MUC5AC: variants seen among roughly 807,000 people sequenced by gnomAD.
MUC5AC encodes the protein mucin 5AC, oligomeric mucus/gel-forming.
A neutral mutation model predicts 169.7 loss-of-function variants in MUC5AC; 158 were observed. The observed-to-expected ratio is 0.93, with a 90% CI of 0.82 to 1.06. The LOEUF is 1.06. Among genes scored for constraint, MUC5AC ranks in the 50% least tolerant of loss-of-function variants. The pLI is 0.00. For missense variants in MUC5AC, 4,359 were observed against 3,089.9 expected, an observed-to-expected ratio of 1.41 and a Z score of -9.74; for synonymous variants, 1,975 against 1,237.0, an observed-to-expected ratio of 1.60 and a Z score of -12.52.
At chr11:1,178,976 C>T (rs1860748309) in intron 25 of MUC5AC, 116 bp from the exon 26 acceptor site, 1 of 437,778 alleles carries the variant, frequency 2.3e-6, no homozygotes, top group South Asian at 6.7e-5. Context: ...GGGCATTCGC[C>T]CTCCCTGAGC....
intron 2 of MUC5AC, 132 bp downstream of exon 2, chr11:1,160,821 A>C: frequency 3.6e-6 from 3 of 839,592 alleles, no homozygotes; most frequent in South Asian, 1.7e-5. Flanking sequence ...ACCTGGGGGG[A>C]CAGGAGGACA....
rs945458170 is a variant in MUC5AC at position 1,199,185 on chromosome 11, C to G, written c.16395C>G (p.Tyr5465Ter). The part of the protein sequence containing the change: ...NTSKSPAHLF[Y>*]PGETWSDAGN... ...GCAAGAGCCCCGCCCACCTCTTCTA[C>G]GTGAGTAGTGGCTGCCACAAAGAGG... The change falls in exon 45 of 49, where the codon TAC (tyrosine) becomes TAG (stop). Residue 5465 changes from tyrosine (Y) to a stop codon, truncating the protein, a stop_gained and splice_region_variant. Transcript: ENST00000621226. LOFTEE classifies it high-confidence loss of function. The G allele has an allele frequency of 1.3e-6, 1 of 761,002 alleles. No homozygotes were observed. Among genetic ancestry groups the G allele is most frequent in the Non-Finnish European group, 2.4e-6 (1 of 416,422 alleles). The allele number at this position is 761,002 out of a possible 1,614,324, so 47.1% of individuals were successfully genotyped here. A position where few individuals can be genotyped will look rare whatever the true frequency, so the allele number is the denominator to read the frequency against.
At position 1,165,434 on chromosome 11, in the gene MUC5AC, C is replaced by A. The variant is rs1174930923; in HGVS notation, c.1247+15C>A. The A allele has an allele frequency of 4.8e-6, 7 of 1,455,844 alleles. No individual in the cohort carries two copies. The Admixed American group carries it at 6.7e-5, about 14-fold the overall frequency. 90.2% of individuals were successfully genotyped at this position (1,455,844 alleles called of 1,614,324 possible). ...TGCACCAACTGGTAGGTCCCAGCCCCCCTCCAGGCCACCAAGGATGTGCTA... is the reference window on the plus strand; with the variant it reads ...TGCACCAACTGGTAGGTCCCAGCCCACCTCCAGGCCACCAAGGATGTGCTA... On this transcript the variant is annotated intron_variant, in intron 10 of 48. Coordinates refer to ENST00000621226, the MANE Select transcript of MUC5AC (RefSeq NM_001304359.2).
intron 19 of MUC5AC, among the ~76,000 whole-genome samples, chr11:1,175,752 CCA>C (rs1259685838): frequency 9.0e-5 from 11 of 122,892 alleles, no homozygotes; most frequent in Admixed American, 3.4e-4. Flanking sequence ...CGTCATGCAC[CCA>C]CACTCATGCA....
At chr11:1,168,446 C>T in intron 12 of MUC5AC, 37 bp from the exon 13 acceptor site, 2 of 1,602,958 alleles carry the variant, frequency 1.2e-6, no homozygotes, top group Non-Finnish European at 1.7e-6. Flanking sequence ...TGCCGCAAGC[C>T]TGCCCCGCGC....
chr11:1,165,767 C>G lies in MUC5AC; in HGVS notation c.1386+7C>G, dbSNP rs1860305170. Reference sequence around the variant, plus strand: ...CAGCTATGTGCTGACCAAGGTACGGCCTGGCTGCCTGGGGTGCTCGCCGGA... The same window carrying G: ...CAGCTATGTGCTGACCAAGGTACGGGCTGGCTGCCTGGGGTGCTCGCCGGA... On this transcript the variant is annotated splice_region_variant and intron_variant, in intron 11 of 48. Transcript: ENST00000621226. 1 of 1,611,370 alleles carries G rather than the reference C, an allele frequency of 6.2e-7. No individual in the cohort carries two copies.
At chr11:1,182,127 G>A (rs1323831360) in intron 30 of MUC5AC, 28 bp from the exon 31 acceptor site, 9 of 398,452 alleles carry the variant, frequency 2.3e-5, no homozygotes, top group African/African-American at 1.9e-4. Context: ...GGCCTCTCAT[G>A]CTCAGCTGCC....
intron 9 of MUC5AC, among the ~76,000 whole-genome samples, chr11:1,164,948 T>G (rs56335712): frequency 6.4e-3 from 296 of 46,488 alleles, no homozygotes; most frequent in African/African-American, 0.017. Context: ...GGCTGGCTGA[T>G]GCCCCTGTCC....
chr11:1,161,671 G>C (rs1401818833), intron 3 of MUC5AC, 85 bp downstream of exon 3: 4 of 1,472,652 alleles, frequency 2.7e-6, no homozygotes, highest in Admixed American at 2.2e-5. Context: ...CGGGTGGAGA[G>C]GGGCCCCAGC....
rs1356078016 is a variant in MUC5AC, at chr11:1,191,977, A to G, written c.13832A>G (p.His4611Arg). ...TTPVSKTSTS[H>R]LSVSKTTHSQ... ...CCTGTTTCAAAGACCAGCACAAGCC[A>G]TCTTTCTGTATCCAAGACAACCCAC... Residue 4611 changes from histidine to arginine, a missense_variant, in exon 31 of 49, where the codon CAT becomes CGT. Transcript: ENST00000621226. 1 of 765,016 alleles carries G rather than the reference A, an allele frequency of 1.3e-6. No homozygotes were observed. Among genetic ancestry groups the G allele is most frequent in the African/African-American group, 1.7e-5 (1 of 59,130 alleles). The allele number at this position is 765,016 out of a possible 1,614,324, so 47.4% of individuals were successfully genotyped here.
At chr11:1,197,366 G>A in intron 40 of MUC5AC, 102 bp from the exon 41 acceptor site, 1 of 657,924 alleles carries the variant, frequency 1.5e-6, no homozygotes, top group African/African-American at 1.8e-5. Context: ...AGGCCACACG[G>A]CCTCCACACC....
chr11:1,197,798 C>G (rs531699231), intron 41 of MUC5AC, 105 bp from the exon 42 acceptor site: 100 of 638,858 alleles, frequency 1.6e-4, no homozygotes, highest in Middle Eastern at 8.1e-4. Flanking sequence ...TGGAGACCCC[C>G]GAGCGGGCTG....
chr11:1,183,872 T>C lies in MUC5AC; in HGVS notation c.5727T>C (p.Thr1909=). The change falls in exon 31 of 49, where the codon ACT becomes ACC. Residue 1909 remains threonine, a synonymous_variant. Coordinates refer to ENST00000621226, the MANE Select transcript of MUC5AC (RefSeq NM_001304359.2). ...GTACCGCTACCTCTGTCAAAAAAAC[T>C]TTCTCAACTCCCAGCCCTCCGCCAG... ...APGTATSVKK[T]FSTPSPPPVP... 2.5e-6 allele frequency: 1 copy of C among 402,906 alleles called. No individual in the cohort carries two copies. The allele number at this position is 402,906 out of a possible 1,614,324, so 25.0% of individuals were successfully genotyped here. A position where few individuals can be genotyped will look rare whatever the true frequency, so the allele number is the denominator to read the frequency against.
chr11:1,187,418 C>T lies in MUC5AC; in HGVS notation c.9273C>T (p.Ser3091=). Residue 3091 remains serine, a synonymous_variant, in exon 31 of 49, where the codon AGC becomes AGT. Transcript: ENST00000621226. ...TTSTTSAATT[S]TISAPTTSTT... is the part of the protein sequence containing the mutation. ...GCACAACCTCTGCCGCTACAACCAG[C>T]ACAATCTCGGCCCCAACAACCAGCA... 1 of 733,826 alleles carries T rather than the reference C, an allele frequency of 1.4e-6. No homozygotes were observed. Among genetic ancestry groups the T allele is most frequent in the Non-Finnish European group, 2.5e-6 (1 of 402,264 alleles). 45.5% of individuals were successfully genotyped at this position (733,826 alleles called of 1,614,324 possible).
intron 1 of MUC5AC, among the ~76,000 whole-genome samples, chr11:1,158,351 C>A (rs1045854643): frequency 1.3e-5 from 2 of 152,210 alleles, no homozygotes; most frequent in African/African-American, 2.4e-5. Flanking sequence ...CGGCCCGGAT[C>A]CCTGCACCTG....
chr11:1,187,603 G>C lies in MUC5AC; in HGVS notation c.9458G>C (p.Gly3153Ala). 1.3e-6 allele frequency: 1 copy of C among 760,686 alleles called. No homozygotes were observed. The highest frequency in any genetic ancestry group is 2.4e-6 in the Non-Finnish European group (1 of 415,952). 47.1% of individuals were successfully genotyped at this position (760,686 alleles called of 1,614,324 possible). A position where few individuals can be genotyped will look rare whatever the true frequency, so the allele number is the denominator to read the frequency against. The change falls in exon 31 of 49, where the codon GGA becomes GCA. Residue 3153 changes from glycine to alanine, a missense_variant. Coordinates refer to ENST00000621226, the MANE Select transcript of MUC5AC (RefSeq NM_001304359.2). The stretch of plus-strand genomic sequence containing the variant: ...ACAGCCAGCAAAACCTCTGGTCCTG[G>C]AACCACTCCCAGCCCTGTTCCCACC... ...ASTASKTSGP[G>A]TTPSPVPTTS...
chr11:1,164,591 T>C, intron 9 of MUC5AC, 59 bp downstream of exon 9: 1 of 1,537,732 alleles, frequency 6.5e-7, no homozygotes, highest in Non-Finnish European at 8.7e-7. Flanking sequence ...GGGGCTGTGC[T>C]CCCATGGCCA....
At position 1,178,467 on chromosome 11, in the gene MUC5AC, G is replaced by A. The variant is rs1860738115; in HGVS notation, c.3111G>A (p.Gly1037=). 2.0e-5 allele frequency: 17 copies of A among 845,310 alleles called. No individual in the cohort carries two copies. The highest frequency in any genetic ancestry group is 2.8e-5 in the Non-Finnish European group (17 of 606,000). The allele number at this position is 845,310 out of a possible 1,614,324, so 52.4% of individuals were successfully genotyped here. ...EFKGRVCGLC[G]NFDDIAVNDF... is the part of the protein sequence containing the mutation. ...AGGGCAGGGTCTGCGGCCTGTGTGG[G>A]AACTTCGACGACATCGCCGTTAATG... Residue 1037 remains glycine, a synonymous_variant, in exon 25 of 49, where the codon GGG becomes GGA. Coordinates refer to ENST00000621226, the MANE Select transcript of MUC5AC (RefSeq NM_001304359.2).
rs201626282 is a variant in MUC5AC, at chr11:1,192,256, G to T, written c.14111G>T (p.Arg4704Leu). The change falls in exon 31 of 49, where the codon CGG becomes CTG. Residue 4704 changes from arginine (R) to leucine (L), a missense_variant. Arg to Leu is a moderately radical substitution (Grantham distance 102). Coordinates refer to ENST00000621226, the MANE Select transcript of MUC5AC (RefSeq NM_001304359.2). ...QCSREEGLVC[R>L]NQDQQGPFKM... is the part of the protein sequence containing the mutation. Reference sequence around the variant, plus strand: ...AGCCGTGAAGAGGGCCTGGTGTGCCGGAACCAGGACCAGCAGGGACCCTTC... The same window carrying T: ...AGCCGTGAAGAGGGCCTGGTGTGCCTGAACCAGGACCAGCAGGGACCCTTC... 2.6e-6 allele frequency: 2 copies of T among 765,084 alleles called. No individual in the cohort carries two copies. Among genetic ancestry groups the T allele is most frequent in the Non-Finnish European group, 4.8e-6 (2 of 417,902 alleles). The allele number at this position is 765,084 out of a possible 1,614,324, so 47.4% of individuals were successfully genotyped here.
Sources: gnomAD v4.1 joint callset for allele counts (sites outside exome capture counted in the v4.1 genomes callset) on GRCh38, gnomAD v4.1.1 for gene constraint, MANE v1.5 for transcripts, NCBI Gene and HGNC (gene_info 2026-07-23, HGNC 2026-07-21) for gene names.